The following SP5 variants were observed in gnomAD, a reference collection of about 807,000 sequenced individuals.
The protein encoded by SP5 is Sp5 transcription factor, also known as transcription factor Sp5.
Under a neutral mutation model 27.4 loss-of-function variants are expected in SP5, and 12 were observed. The observed-to-expected ratio is 0.44, with a 90% CI of 0.28 to 0.71. The LOEUF is 0.71. Among genes scored for constraint, SP5 ranks in the 30% least tolerant of loss-of-function variants. The pLI is 0.15. For synonymous variants in SP5, 330 were observed against 290.7 expected (o/e 1.14, Z -1.38); for missense variants, 660 against 589.8 (o/e 1.12, Z -1.23).
chr2:170,715,466 C>T lies in SP5; in HGVS notation c.-47C>T, dbSNP rs375854942. The T allele has an allele frequency of 5.6e-5, 87 of 1,542,528 alleles. No individual in the cohort carries two copies. In the South Asian group the frequency reaches 9.2e-4, roughly 16 times the overall value. ...TCCTCGCCTTCGGGTGTCCATGCCT[C>T]GGCGGCGGCGTCCCGCTCCGCAGCC... is the stretch of plus-strand genomic sequence containing the variant. On this transcript the variant is annotated 5_prime_UTR_variant, in exon 1 of 2. Coordinates refer to ENST00000375281, the MANE Select transcript of SP5 (RefSeq NM_001003845.3).
chr2:170,715,596 G>A (rs1289935540), intron 1 of SP5, 33 bp downstream of exon 1: 2 of 1,541,628 alleles, frequency 1.3e-6, no homozygotes, highest in Admixed American at 2.0e-5. Flanking sequence ...GCGGGAGAAA[G>A]GTGGAAAGGG....
Position 170,716,585 on chromosome 2 carries a change from G to T in SP5, c.378G>T (p.Ser126=), listed in dbSNP as rs375931897. The T allele has an allele frequency of 6.2e-7, 1 of 1,610,030 alleles. No individual in the cohort carries two copies. Among genetic ancestry groups the T allele is most frequent in the African/African-American group, 1.3e-5 (1 of 74,680 alleles). Residue 126 remains serine (S), a synonymous_variant, in exon 2 of 2, where the codon TCG becomes TCT. Coordinates refer to ENST00000375281, the MANE Select transcript of SP5 (RefSeq NM_001003845.3). The part of the protein sequence containing the change: ...PADPSYPYEF[S]PVKMLPSSMA... ...ACCCCTCGTACCCCTACGAGTTCTC[G>T]CCGGTCAAGATGCTGCCCTCGAGCA...
intron 1 of SP5, 126 bp downstream of exon 1, chr2:170,715,689 TA>T: frequency 7.0e-7 from 1 of 1,431,114 alleles, no homozygotes; most frequent in Non-Finnish European, 9.2e-7. Context: ...GAGCCAGGCC[TA>T]GGGGTGCCCA....
rs1433943597 is a variant in SP5, at chr2:170,717,422, C to A, written c.*18C>A. ...ACCTGTGAGCCCTCCCGGAGGTGGA[C>A]CCCCTTCCCAGCACCTCTGCGAGAG... On this transcript the variant is annotated 3_prime_UTR_variant, in exon 2 of 2. Coordinates refer to ENST00000375281, the MANE Select transcript of SP5 (RefSeq NM_001003845.3). 1 of 1,607,856 alleles carries A rather than the reference C, an allele frequency of 6.2e-7. No individual in the cohort carries two copies.
Position 170,716,297 on chromosome 2 carries a change from C to T in SP5, c.90C>T (p.His30=). 6.3e-7 allele frequency: 1 copy of T among 1,595,904 alleles called. No individual in the cohort carries two copies. The highest frequency in any genetic ancestry group is 8.5e-7 in the Non-Finnish European group (1 of 1,179,204). Residue 30 remains histidine (H), a synonymous_variant, in exon 2 of 2, where the codon CAC becomes CAT. Transcript: ENST00000375281. The stretch of plus-strand genomic sequence containing the variant: ...GCGCCTCCCCGGACCTGGGCAAGCA[C>T]TCGCCCCTGGCATTGCTGGCCGCCA... ...TPSASPDLGK[H]SPLALLAATC...
rs1700083496 is a variant in SP5, at chr2:170,716,932, T to G, written c.725T>G (p.Leu242Trp). Residue 242 changes from leucine to tryptophan, a missense_variant, in exon 2 of 2, where the codon TTG (leucine) becomes TGG (tryptophan). Physicochemically the swap from Leu to Trp is moderately conservative, Grantham distance 61. Coordinates refer to ENST00000375281, the MANE Select transcript of SP5 (RefSeq NM_001003845.3). ...GCCGCCCTACAAAGAGGCCTGGTGT[T>G]GGGCCCGTCGGACTTTGCGCAGTAC... ...AAAALQRGLV[L>W]GPSDFAQYQS... 1.9e-6 allele frequency: 3 copies of G among 1,547,018 alleles called. No individual in the cohort carries two copies. Among genetic ancestry groups the G allele is most frequent in the Middle Eastern group, 2.2e-4 (1 of 4,572 alleles).
chr2:170,716,262 C>G lies in SP5; in HGVS notation c.55C>G (p.Arg19Gly). The G allele has an allele frequency of 6.3e-7, 1 of 1,592,868 alleles. No individual in the cohort carries two copies. Among genetic ancestry groups the G allele is most frequent in the Non-Finnish European group, 8.5e-7 (1 of 1,178,466 alleles). The change falls in exon 2 of 2, where the codon CGC becomes GGC. Residue 19 changes from arginine (R) to glycine (G), a missense_variant. Transcript: ENST00000375281. Reference protein sequence around the residue: ...NDSLQAFLQDRTPSASPDLGK... With the variant: ...NDSLQAFLQDGTPSASPDLGK... ...CCCTCCCTCGCCGCCTATGCAGGACCGCACCCCCAGCGCCTCCCCGGACCT... is the reference window on the plus strand; with the variant it reads ...CCCTCCCTCGCCGCCTATGCAGGACGGCACCCCCAGCGCCTCCCCGGACCT...
Position 170,717,747 on chromosome 2 carries a change from A to G in SP5, c.*343A>G. 2.9e-6 allele frequency: 1 copy of G among 347,788 alleles called. No individual in the cohort carries two copies. The highest frequency in any genetic ancestry group is 5.3e-6 in the Non-Finnish European group (1 of 188,560). The allele number at this position is 347,788 out of a possible 1,614,324, so 21.5% of individuals were successfully genotyped here. A position where few individuals can be genotyped will look rare whatever the true frequency, so the allele number is the denominator to read the frequency against. ...AGGAAATGCTGCTGAACTGAATAGAAAGGAACTTGGGAGATTTGAAACAGT... is the reference window on the plus strand; with the variant it reads ...AGGAAATGCTGCTGAACTGAATAGAGAGGAACTTGGGAGATTTGAAACAGT... On this transcript the variant is annotated 3_prime_UTR_variant, in exon 2 of 2. Transcript: ENST00000375281.
In SP5 at chr2:170,717,026, C is replaced by G. The variant is rs1170738689; in HGVS notation, c.819C>G (p.Arg273=). Residue 273 remains arginine (R), a synonymous_variant, in exon 2 of 2, where the codon CGC becomes CGG. Coordinates refer to ENST00000375281, the MANE Select transcript of SP5 (RefSeq NM_001003845.3). ...CGGCCACGGCCAGGAGGTGCCGCCG[C>G]TGCCGCTGTCCCAACTGCCAGGCGG... is the stretch of plus-strand genomic sequence containing the variant. ...PLAATARRCR[R]CRCPNCQAAG... The G allele has an allele frequency of 6.5e-7, 1 of 1,547,286 alleles. No homozygotes were observed. The highest frequency in any genetic ancestry group is 8.7e-7 in the Non-Finnish European group (1 of 1,146,208).
chr2:170,715,747 G>A (rs1700049048), intron 1 of SP5, 184 bp downstream of exon 1: 1 of 985,456 alleles, frequency 1.0e-6, no homozygotes, highest in South Asian at 4.7e-5. Context: ...GGAGGGACGC[G>A]TGGATCCGGG....
intron 1 of SP5, 200 bp from the exon 2 acceptor site, chr2:170,716,059 C>A: frequency 1.4e-6 from 2 of 1,396,034 alleles, no homozygotes; most frequent in Non-Finnish European, 1.8e-6. Context: ...CTCGCGGGCC[C>A]CACGTTCAGG....
Position 170,717,434 on chromosome 2 carries a change from C to G in SP5, c.*30C>G, listed in dbSNP as rs1191083182. On this transcript the variant is annotated 3_prime_UTR_variant, in exon 2 of 2. Coordinates refer to ENST00000375281, the MANE Select transcript of SP5 (RefSeq NM_001003845.3). ...TCCCGGAGGTGGACCCCCTTCCCAG[C>G]ACCTCTGCGAGAGATCCGGGGACCT... 1 of 1,604,850 alleles carries G rather than the reference C, an allele frequency of 6.2e-7. No individual in the cohort carries two copies. The highest frequency in any genetic ancestry group is 2.2e-5 in the East Asian group (1 of 44,742).
chr2:170,715,663 C>A, intron 1 of SP5, 100 bp downstream of exon 1: 7 of 1,476,060 alleles, frequency 4.7e-6, no homozygotes, highest in Non-Finnish European at 5.4e-6. Context: ...GGGAACCCCG[C>A]CGATGGGTGC....
Position 170,716,351 on chromosome 2 carries a change from G to T in SP5, c.144G>T (p.Ala48=), listed in dbSNP as rs1345913125. 6.3e-7 allele frequency: 1 copy of T among 1,596,052 alleles called. No homozygotes were observed. Among genetic ancestry groups the T allele is most frequent in the Non-Finnish European group, 8.5e-7 (1 of 1,178,686 alleles). ...ATCSRIGQPG[A]AAPPDFLQVP... ...GTAGCCGCATCGGCCAGCCGGGCGC[G>T]GCGGCGCCCCCGGACTTCCTGCAGG... Residue 48 remains alanine (A), a synonymous_variant, in exon 2 of 2, where the codon GCG becomes GCT. Transcript: ENST00000375281.
In SP5 at chr2:170,716,711, A is replaced by C. The variant is rs763189085; in HGVS notation, c.504A>C (p.Pro168=). ...GYSNLLPPPP[P]PPPPPTCRQL... is the part of the protein sequence containing the mutation. ...CCAACCTGCTGCCTCCGCCGCCGCC[A>C]CCGCCCCCGCCGCCCACCTGCCGCC... Residue 168 remains proline (P), a synonymous_variant, in exon 2 of 2, where the codon CCA becomes CCC. Coordinates refer to ENST00000375281, the MANE Select transcript of SP5 (RefSeq NM_001003845.3). 8.1e-6 allele frequency: 12 copies of C among 1,489,376 alleles called. No individual in the cohort carries two copies. Among genetic ancestry groups the C allele is most frequent in the Middle Eastern group, 2.2e-4 (1 of 4,488 alleles). The allele number at this position is 1,489,376 out of a possible 1,614,324, so 92.3% of individuals were successfully genotyped here.
rs757675219 is a variant in SP5 at position 170,716,505 on chromosome 2, C to T, written c.298C>T (p.His100Tyr). The change falls in exon 2 of 2, where the codon CAC (histidine) becomes TAC (tyrosine). Residue 100 changes from histidine (H) to tyrosine (Y), a missense_variant. His to Tyr is a moderately conservative substitution (Grantham distance 83). Coordinates refer to ENST00000375281, the MANE Select transcript of SP5 (RefSeq NM_001003845.3). ...CTTGGGGCTGACGCCGCAGAAGACG[C>T]ACCTGCAGCCGTCCTTCGGGGCTGC... ...PSLGLTPQKT[H>Y]LQPSFGAAHE... 2.2e-5 allele frequency: 36 copies of T among 1,610,712 alleles called. No individual in the cohort carries two copies. The South Asian group carries it at 4.0e-4, about 18-fold the overall frequency.
In SP5 at chr2:170,717,360, G is replaced by C; in HGVS notation, c.1153G>C (p.Val385Leu). ...GACTCACCAGAATAAGAAGCTCAAA[G>C]TCGCTGAGGCCGGGGTTAAGCGGGA... The part of the protein sequence containing the change: ...VKTHQNKKLK[V>L]AEAGVKREDA... The change falls in exon 2 of 2, where the codon GTC becomes CTC. Residue 385 changes from valine (V) to leucine (L), a missense_variant. Transcript: ENST00000375281. 1.9e-6 allele frequency: 3 copies of C among 1,611,226 alleles called. 1 individual carries two copies. Among genetic ancestry groups the C allele is most frequent in the Non-Finnish European group, 2.5e-6 (3 of 1,179,994 alleles).
Position 170,717,347 on chromosome 2 carries a change from T to G in SP5, c.1140T>G (p.Asn380Lys), listed in dbSNP as rs1443010145. 10 of 1,610,926 alleles carry G rather than the reference T, an allele frequency of 6.2e-6. No homozygotes were observed. Among genetic ancestry groups the G allele is most frequent in the African/African-American group, 1.3e-5 (1 of 74,914 alleles). The change falls in exon 2 of 2, where the codon AAT (asparagine) becomes AAG (lysine). Residue 380 changes from asparagine to lysine, a missense_variant. Transcript: ENST00000375281. ...HLAKHVKTHQ[N>K]KKLKVAEAGV... ...CGAAGCACGTCAAGACTCACCAGAATAAGAAGCTCAAAGTCGCTGAGGCCG... is the reference window on the plus strand; with the variant it reads ...CGAAGCACGTCAAGACTCACCAGAAGAAGAAGCTCAAAGTCGCTGAGGCCG...
In SP5 at chr2:170,716,515, C is replaced by T. The variant is rs750804310; in HGVS notation, c.308C>T (p.Pro103Leu). ...ACGCCGCAGAAGACGCACCTGCAGC[C>T]GTCCTTCGGGGCTGCGCACGAGCTT... Reference protein sequence around the residue: ...GLTPQKTHLQPSFGAAHELPL... With the variant: ...GLTPQKTHLQLSFGAAHELPL... The change falls in exon 2 of 2, where the codon CCG becomes CTG. Residue 103 changes from proline (P) to leucine (L), a missense_variant. Coordinates refer to ENST00000375281, the MANE Select transcript of SP5 (RefSeq NM_001003845.3). 6.2e-7 allele frequency: 1 copy of T among 1,611,068 alleles called. No homozygotes were observed. Among genetic ancestry groups the T allele is most frequent in the South Asian group, 1.1e-5 (1 of 90,944 alleles).
Sources: gnomAD v4.1 joint callset for allele counts on GRCh38, gnomAD v4.1.1 for gene constraint, MANE v1.5 for transcripts, NCBI Gene and HGNC (gene_info 2026-07-23, HGNC 2026-07-21) for gene names.